The following SLC7A6 variants were observed in gnomAD, a reference collection of about 807,000 sequenced individuals.
SLC7A6 encodes solute carrier family 7 member 6, also known as Y+L amino acid transporter 2.
Under a neutral mutation model 46.6 loss-of-function variants are expected in SLC7A6, and 29 were observed. The observed-to-expected ratio is 0.62, with a 90% CI of 0.46 to 0.85. The LOEUF (loss-of-function observed/expected upper bound fraction) is 0.85, where lower values mean the gene tolerates loss of function less well. Ranked by LOEUF, SLC7A6 falls within the 40% of genes least tolerant of loss-of-function variation. SLC7A6 has a pLI of 0.00. For synonymous variants in SLC7A6, 276 were observed against 257.3 expected, an observed-to-expected ratio of 1.07 and a Z score of -0.70; for missense variants, 527 against 647.6, an observed-to-expected ratio of 0.81 and a Z score of 2.02.
chr16:68,279,537 CTCTTT>C lies in SLC7A6; in HGVS notation c.523+4290_523+4294del, dbSNP rs528853728. 1.5e-3 allele frequency among the ~76,000 whole-genome samples: 230 copies of C among 152,078 alleles called. 4 individuals are homozygous for C. The Middle Eastern group carries it at 0.044, about 29-fold the overall frequency. On this transcript the variant is annotated intron_variant, in intron 3 of 10. Transcript: ENST00000219343. ...GTTAACTAATTGCTGCCTCGATTTT[CTCTTT>C]TATTTTTATTTTTTGAGACAGAGTC...
Position 68,297,411 on chromosome 16 carries a change from C to A in SLC7A6, c.*83C>A. The A allele has an allele frequency of 8.5e-7, 1 of 1,182,672 alleles. No individual in the cohort carries two copies. The highest frequency in any genetic ancestry group is 2.3e-5 in the East Asian group (1 of 42,644). 73.3% of individuals were successfully genotyped at this position (1,182,672 alleles called of 1,614,324 possible). ...ACAAGACTCTGTGGGCCCAACTCTC[C>A]TGAATTAAAGGAGCCTTTTGACCCA... On this transcript the variant is annotated 3_prime_UTR_variant, in exon 11 of 11. Coordinates refer to ENST00000219343, the MANE Select transcript of SLC7A6 (RefSeq NM_003983.6).
chr16:68,301,144 C>T lies in SLC7A6; in HGVS notation c.*3816C>T, dbSNP rs1597018595. The T allele has an allele frequency of 9.6e-6, 14 of 1,455,676 alleles. No individual in the cohort carries two copies. In the East Asian group the frequency reaches 9.8e-5, roughly 10 times the overall value. 90.2% of individuals were successfully genotyped at this position (1,455,676 alleles called of 1,614,324 possible). On this transcript the variant is annotated 3_prime_UTR_variant, in exon 11 of 11. Coordinates refer to ENST00000219343, the MANE Select transcript of SLC7A6 (RefSeq NM_003983.6). ...TTCACTGTGGTGGGATGGTGCCGCC[C>T]GATATGCTTGATATGCTTTTCCTTC...
Position 68,274,798 on chromosome 16 carries a change from GGAA to G in SLC7A6, c.78_80del (p.Glu26del), listed in dbSNP as rs563160341. 7.2e-4 allele frequency: 1,157 copies of G among 1,614,202 alleles called. 9 individuals are homozygous for G. Among genetic ancestry groups the G allele is most frequent in the Middle Eastern group, 6.9e-3 (42 of 6,062 alleles). On this transcript the variant is annotated inframe_deletion, in exon 3 of 11. Coordinates refer to ENST00000219343, the MANE Select transcript of SLC7A6 (RefSeq NM_003983.6). ...TCCCTAACACCAGCCAGTCCCAGGT[GGAA>G]GAAGATGTCAGCTCGCCACCTCAAA...
At position 68,292,036 on chromosome 16, in the gene SLC7A6, T is replaced by C. The variant is rs563255974; in HGVS notation, c.1022+375T>C. On this transcript the variant is annotated intron_variant, in intron 7 of 10. Coordinates refer to ENST00000219343, the MANE Select transcript of SLC7A6 (RefSeq NM_003983.6). ...GTTTCCATCTGAGATGAGGACAGAT[T>C]GATGAAAGGTATAGGGGAGAAAGGC... 6.3e-5 allele frequency: 13 copies of C among 207,650 alleles called. No individual in the cohort carries two copies. In the East Asian group the frequency reaches 1.6e-3, roughly 26 times the overall value. 12.9% of individuals were successfully genotyped at this position (207,650 alleles called of 1,614,324 possible).
chr16:68,282,129 G>C (rs2042839108), intron 3 of SLC7A6, among the ~76,000 whole-genome samples: 1 of 152,252 alleles, frequency 6.6e-6, no homozygotes, highest in African/African-American at 2.4e-5. Context: ...ATTTTGGCTA[G>C]TTGCTATGGA....
intron 8 of SLC7A6, among the ~76,000 whole-genome samples, chr16:68,296,081 G>A (rs1378787027): frequency 6.6e-6 from 1 of 152,124 alleles, no homozygotes; most frequent in Non-Finnish European, 1.5e-5. Flanking sequence ...ACTGAAGTGA[G>A]GAGGGCCTCA....
At chr16:68,286,968 A>G (rs973947839) in intron 3 of SLC7A6, among the ~76,000 whole-genome samples, 1 of 151,508 alleles carries the variant, frequency 6.6e-6, no homozygotes, top group Admixed American at 6.6e-5. Flanking sequence ...ATTGTCAGGC[A>G]TATAACAGAC....
rs982250219 is a variant in SLC7A6, at chr16:68,297,830, T to C, written c.*502T>C. 1 of 153,020 alleles carries C rather than the reference T, an allele frequency of 6.5e-6. No individual in the cohort carries two copies. The highest frequency in any genetic ancestry group is 1.5e-5 in the Non-Finnish European group (1 of 68,346). The allele number at this position is 153,020 out of a possible 1,614,324, so 9.5% of individuals were successfully genotyped here. A position where few individuals can be genotyped will look rare whatever the true frequency, so the allele number is the denominator to read the frequency against. Reference sequence around the variant, plus strand: ...GGAGAGAGTTATATTCCCTTATTTATTGATATTTAGTCCAGAACACCAGTT... The same window carrying C: ...GGAGAGAGTTATATTCCCTTATTTACTGATATTTAGTCCAGAACACCAGTT... On this transcript the variant is annotated 3_prime_UTR_variant, in exon 11 of 11. Transcript: ENST00000219343.
chr16:68,288,410 A>C (rs1283881275), intron 4 of SLC7A6, among the ~76,000 whole-genome samples: 1 of 152,156 alleles, frequency 6.6e-6, no homozygotes, highest in Non-Finnish European at 1.5e-5. Context: ...GTCTTTCCTA[A>C]ATGTTGGCTT....
chr16:68,297,268 TTG>T lies in SLC7A6; in HGVS notation c.1492_1493del (p.Val498ProfsTer3). The T allele has an allele frequency of 6.2e-7, 1 of 1,614,168 alleles. No individual in the cohort carries two copies. Among genetic ancestry groups the T allele is most frequent in the Non-Finnish European group, 8.5e-7 (1 of 1,180,014 alleles). ...CCAGAGGCACCCAGCAGCTTTGCTTTTGTGTCCTGACTGAGCTTGATGTAGCC... is the reference window on the plus strand; with the variant it reads ...CCAGAGGCACCCAGCAGCTTTGCTTTTGTCCTGACTGAGCTTGATGTAGCC... ...ITRGTQQLCF[C>X]VLTELDVAEE... On this transcript the variant is annotated frameshift_variant, in exon 11 of 11. Coordinates refer to ENST00000219343, the MANE Select transcript of SLC7A6 (RefSeq NM_003983.6). LOFTEE classifies it high-confidence loss of function.
chr16:68,272,706 A>C (rs1338127423), intron 2 of SLC7A6, among the ~76,000 whole-genome samples: 1 of 152,188 alleles, frequency 6.6e-6, no homozygotes, highest in Non-Finnish European at 1.5e-5. Context: ...GGTTTTATGA[A>C]TACAAAGGGA....
intron 2 of SLC7A6, among the ~76,000 whole-genome samples, chr16:68,269,452 G>T (rs1468340756): frequency 6.6e-6 from 1 of 151,852 alleles, no homozygotes; most frequent in African/African-American, 2.4e-5. Context: ...TCCTAGTCAG[G>T]AGACAGTAGT....
chr16:68,274,116 C>T (rs1486581676), intron 2 of SLC7A6, among the ~76,000 whole-genome samples: 1 of 152,170 alleles, frequency 6.6e-6, no homozygotes, highest in Non-Finnish European at 1.5e-5. Flanking sequence ...ATGACTAAAC[C>T]TGTCTTAGCA....
intron 2 of SLC7A6, among the ~76,000 whole-genome samples, chr16:68,270,975 T>C (rs1015909123): frequency 6.6e-6 from 1 of 151,996 alleles, no homozygotes; most frequent in African/African-American, 2.4e-5. Flanking sequence ...ACTCCCACCT[T>C]GGCCTCCCAA....
At position 68,298,326 on chromosome 16, in the gene SLC7A6, G is replaced by C. The variant is rs1344233840; in HGVS notation, c.*998G>C. The C allele has an allele frequency of 6.6e-6, 1 of 152,588 alleles. No homozygotes were observed. The highest frequency in any genetic ancestry group is 1.5e-5 in the Non-Finnish European group (1 of 68,036). 9.5% of individuals were successfully genotyped at this position (152,588 alleles called of 1,614,324 possible). A position where few individuals can be genotyped will look rare whatever the true frequency, so the allele number is the denominator to read the frequency against. Reference sequence around the variant, plus strand: ...GAATTCTCTCAGCTGTCAATGGCTTGGAGAACATCTCATGGGCCCAAGTCA... The same window carrying C: ...GAATTCTCTCAGCTGTCAATGGCTTCGAGAACATCTCATGGGCCCAAGTCA... On this transcript the variant is annotated 3_prime_UTR_variant, in exon 11 of 11. Transcript: ENST00000219343.
At position 68,297,758 on chromosome 16, in the gene SLC7A6, G is replaced by C. The variant is rs1236965755; in HGVS notation, c.*430G>C. 1 of 154,510 alleles carries C rather than the reference G, an allele frequency of 6.5e-6. No homozygotes were observed. Among genetic ancestry groups the C allele is most frequent in the Non-Finnish European group, 1.4e-5 (1 of 69,518 alleles). The allele number at this position is 154,510 out of a possible 1,614,324, so 9.6% of individuals were successfully genotyped here. On this transcript the variant is annotated 3_prime_UTR_variant, in exon 11 of 11. Coordinates refer to ENST00000219343, the MANE Select transcript of SLC7A6 (RefSeq NM_003983.6). Reference sequence around the variant, plus strand: ...CCAGGTACAACACCTGACTTTAAAGGCCTGAAATGCTACCATTTCTTCCTC... The same window carrying C: ...CCAGGTACAACACCTGACTTTAAAGCCCTGAAATGCTACCATTTCTTCCTC...
At chr16:68,275,521 G>A (rs2151217175) in intron 3 of SLC7A6, among the ~76,000 whole-genome samples, 1 of 150,390 alleles carries the variant, frequency 6.6e-6, no homozygotes, top group South Asian at 2.1e-4. Context: ...CTTGAACCCA[G>A]GAGGCGGAGG....
intron 2 of SLC7A6, among the ~76,000 whole-genome samples, chr16:68,274,443 C>G (rs1189068241): frequency 1.3e-5 from 2 of 152,180 alleles, no homozygotes; most frequent in African/African-American, 4.8e-5. Context: ...GGCTGCAGGA[C>G]AGGTATTTGT....
At position 68,301,106 on chromosome 16, in the gene SLC7A6, C is replaced by A; in HGVS notation, c.*3778C>A. ...ACTGTAAGTGGAAAAGACTCACTCC[C>A]CTAACATAAGTTTTCACTGTGGTGG... On this transcript the variant is annotated 3_prime_UTR_variant, in exon 11 of 11. Transcript: ENST00000219343. 4.5e-6 allele frequency: 6 copies of A among 1,343,594 alleles called. No homozygotes were observed. The highest frequency in any genetic ancestry group is 4.8e-6 in the Non-Finnish European group (5 of 1,044,630). The allele number at this position is 1,343,594 out of a possible 1,614,324, so 83.2% of individuals were successfully genotyped here.
Sources: gnomAD v4.1 joint callset for allele counts (sites outside exome capture counted in the v4.1 genomes callset) on GRCh38, gnomAD v4.1.1 for gene constraint, MANE v1.5 for transcripts, NCBI Gene and HGNC (gene_info 2026-07-23, HGNC 2026-07-21) for gene names.